Variants in SYNE1 observed in about 807,000 individuals in gnomAD.
The protein encoded by SYNE1 is nesprin-1.
Under a neutral mutation model 1,111.0 loss-of-function variants are expected in SYNE1, and 616 were observed. The ratio of observed to expected loss-of-function variants is 0.55; its 90% confidence interval spans 0.52 to 0.59. SYNE1 has a LOEUF of 0.59. Among genes scored for constraint, SYNE1 ranks in the 20% least tolerant of loss-of-function variants. SYNE1 has a pLI of 0.00. For missense variants in SYNE1, 10,006 were observed against 10,417.0 expected (o/e 0.96, Z 1.72); for synonymous variants, 3,855 against 3,825.8 (o/e 1.01, Z -0.28).
At chr6:152,385,869 G>C (rs961541771) in intron 54 of SYNE1, 31 bp from the exon 55 acceptor site, 13 of 1,611,960 alleles carry the variant, frequency 8.1e-6, no homozygotes, top group African/African-American at 1.3e-5. Context: ...TACCTTAACA[G>C]TGGTCCTTTT....
intron 91 of SYNE1, 94 bp downstream of exon 91, chr6:152,308,395 G>C (rs2095444770): frequency 6.4e-7 from 1 of 1,570,438 alleles, no homozygotes; most frequent in African/African-American, 1.3e-5. Flanking sequence ...GTGCAGGACA[G>C]GGGAAACTGT....
chr6:152,339,125 C>T, intron 75 of SYNE1, 116 bp downstream of exon 75: 3 of 1,353,116 alleles, frequency 2.2e-6, no homozygotes, highest in African/African-American at 1.4e-5. Flanking sequence ...GGCTGTAGAA[C>T]CATTACATAC....
At chr6:152,622,009 T>G (rs1418781864) in intron 3 of SYNE1, among the ~76,000 whole-genome samples, 3 of 152,214 alleles carry the variant, frequency 2.0e-5, no homozygotes, top group Non-Finnish European at 4.4e-5. Context: ...CAATTTTATC[T>G]TCAATTCATT....
intron 76 of SYNE1, chr6:152,336,571 T>G: frequency 4.0e-6 from 2 of 501,094 alleles, no homozygotes; most frequent in Non-Finnish European, 7.3e-6. Flanking sequence ...TGCACTCCTA[T>G]GAGAATCTGA....
Position 152,318,125 on chromosome 6 carries a change from G to A in SYNE1, c.16528C>T (p.Gln5510Ter). Residue 5510 changes from glutamine to a stop codon, truncating the protein, a stop_gained, in exon 86 of 146, where the codon CAG becomes TAG. Transcript: ENST00000367255. LOFTEE classifies it high-confidence loss of function. ...CGATTCTCAGCTTGTCTAATGGTCT[G>A]CTGGTGAAGTTCAGTCAGTTTTCCT... ...KIGKLTELHQ[Q>*]TIRQAENRLS... 1 of 1,614,210 alleles carries A rather than the reference G, an allele frequency of 6.2e-7. No homozygotes were observed. The highest frequency in any genetic ancestry group is 8.5e-7 in the Non-Finnish European group (1 of 1,180,044).
intron 129 of SYNE1, among the ~76,000 whole-genome samples, chr6:152,176,786 A>G (rs1481180592): frequency 2.6e-5 from 4 of 152,158 alleles, no homozygotes; most frequent in Non-Finnish European, 5.9e-5. Flanking sequence ...TTCTCGAAAT[A>G]AATAGGATGC....
intron 3 of SYNE1, among the ~76,000 whole-genome samples, chr6:152,551,555 A>G (rs1595189722): frequency 6.6e-6 from 1 of 152,344 alleles, no homozygotes; most frequent in East Asian, 1.9e-4. Context: ...GGAATCAAAA[A>G]GAATTACATC....
At chr6:152,149,368 G>T in intron 136 of SYNE1, 109 bp downstream of exon 136, 2 of 1,325,968 alleles carry the variant, frequency 1.5e-6, no homozygotes, top group African/African-American at 2.9e-5. Flanking sequence ...TTGAACTCAG[G>T]TGCTCCAGCT....
In SYNE1 at chr6:152,353,310, CA is replaced by C. The variant is rs2154044401; in HGVS notation, c.11205del (p.Ile3735MetfsTer4). ...HKNFKNVATK[I>X]DKVDTVMMGK... is the part of the protein sequence containing the mutation. ...CCCATCATTACTGTATCTACTTTGT[CA>C]ATCTTGGTAGCCACATTCTTGAAGT... On this transcript the variant is annotated frameshift_variant, in exon 69 of 146. Transcript: ENST00000367255. LOFTEE classifies it high-confidence loss of function. 1.2e-6 allele frequency: 2 copies of C among 1,614,174 alleles called. No homozygotes were observed. The highest frequency in any genetic ancestry group is 1.7e-6 in the Non-Finnish European group (2 of 1,180,032).
At chr6:152,278,984 G>A (rs1451990434) in intron 97 of SYNE1, among the ~76,000 whole-genome samples, 1 of 151,826 alleles carries the variant, frequency 6.6e-6, no homozygotes, top group African/African-American at 2.4e-5. Flanking sequence ...TGCCTGGGCT[G>A]GTCTCAAACT....
At chr6:152,214,764 G>T in intron 122 of SYNE1, 142 bp downstream of exon 122, 1 of 1,133,950 alleles carries the variant, frequency 8.8e-7, no homozygotes, top group Non-Finnish European at 1.3e-6. Flanking sequence ...CACCTTGACT[G>T]CGGACTTCCC....
chr6:152,381,127 G>T lies in SYNE1; in HGVS notation c.8888C>A (p.Ala2963Asp), dbSNP rs570962334. 86 of 1,614,180 alleles carry T rather than the reference G, an allele frequency of 5.3e-5. 1 individual carries two copies. In the South Asian group the frequency reaches 9.1e-4, roughly 17 times the overall value. The stretch of plus-strand genomic sequence containing the variant: ...CTGTTCCAGGGCCTGCTCCAGTTGA[G>T]CCACTTGGCCTGAGAATTCCTGCTC... ...LSEQEFSGQV[A>D]QLEQALEQFS... Residue 2963 changes from alanine (A) to aspartate (D), a missense_variant, in exon 56 of 146, where the codon GCT (alanine) becomes GAT (aspartate). Transcript: ENST00000367255.
At chr6:152,202,085 G>A (rs1252059778) in intron 126 of SYNE1, 136 bp from the exon 127 acceptor site, 4 of 1,173,464 alleles carry the variant, frequency 3.4e-6, no homozygotes, top group East Asian at 2.6e-5. Flanking sequence ...GGTGGCTCAC[G>A]CGTGTAATCC....
At chr6:152,217,032 C>T (rs1177585020) in intron 121 of SYNE1, among the ~76,000 whole-genome samples, 1 of 147,316 alleles carries the variant, frequency 6.8e-6, no homozygotes, top group Non-Finnish European at 1.5e-5. Context: ...CACTGCACTC[C>T]AGCCTGCGCA....
chr6:152,595,208 C>T (rs1205394386), intron 3 of SYNE1, among the ~76,000 whole-genome samples: 2 of 152,214 alleles, frequency 1.3e-5, no homozygotes, highest in African/African-American at 4.8e-5. Context: ...TAAATGTCAT[C>T]TTTATGCTCC....
intron 6 of SYNE1, among the ~76,000 whole-genome samples, chr6:152,516,085 T>C (rs1037779144): frequency 2.0e-5 from 3 of 152,214 alleles, no homozygotes; most frequent in African/African-American, 4.8e-5. Context: ...AAGTTTTAAC[T>C]TGTAAAGATC....
At chr6:152,348,312 C>T (rs979257877) in intron 72 of SYNE1, among the ~76,000 whole-genome samples, 1 of 152,200 alleles carries the variant, frequency 6.6e-6, no homozygotes, top group African/African-American at 2.4e-5. Context: ...CCTGATTTCA[C>T]CTCACACCAC....
intron 32 of SYNE1, among the ~76,000 whole-genome samples, chr6:152,440,501 T>G (rs972949395): frequency 6.6e-6 from 1 of 152,122 alleles, no homozygotes; most frequent in Non-Finnish European, 1.5e-5. Context: ...TGTCTGTATT[T>G]TGCTCCAAAC....
chr6:152,372,720 T>C (rs2097210159), intron 59 of SYNE1, among the ~76,000 whole-genome samples: 2 of 152,326 alleles, frequency 1.3e-5, no homozygotes, highest in East Asian at 1.9e-4. Flanking sequence ...TAGACCACCT[T>C]CCAGAAATGA....
Sources: gnomAD v4.1 joint callset for allele counts (sites outside exome capture counted in the v4.1 genomes callset) on GRCh38, gnomAD v4.1.1 for gene constraint, MANE v1.5 for transcripts, NCBI Gene and HGNC (gene_info 2026-07-23, HGNC 2026-07-21) for gene names.